Variants in CTNNA2 observed in about 807,000 individuals in gnomAD.
CTNNA2 encodes the protein catenin alpha 2.
CTNNA2 carries 42 observed loss-of-function variants against 101.0 expected under a neutral mutation model. That is an observed-to-expected ratio of 0.42 (90% CI 0.32 to 0.54). CTNNA2 has a LOEUF of 0.54. Ranked by LOEUF, CTNNA2 falls within the 20% of genes least tolerant of loss-of-function variation. The pLI is 0.14. For missense variants in CTNNA2, 871 were observed against 1,223.1 expected, an observed-to-expected ratio of 0.71 and a Z score of 4.29; for synonymous variants, 450 against 456.4, an observed-to-expected ratio of 0.99 and a Z score of 0.18.
intron 7 of CTNNA2, among the ~76,000 whole-genome samples, chr2:80,250,798 C>G (rs538417581): frequency 1.3e-5 from 2 of 152,144 alleles, no homozygotes; most frequent in African/African-American, 4.8e-5. Context: ...TTGGGCAATA[C>G]TTTATCTTCT....
In CTNNA2 at chr2:80,607,084, T is replaced by C. The variant is rs1340478594; in HGVS notation, c.2296-1100T>C. Among the ~76,000 whole-genome samples, 13 of 152,002 alleles carry C rather than the reference T, an allele frequency of 8.6e-5. 1 individual carries two copies. The East Asian group carries it at 2.5e-3, about 30-fold the overall frequency. On this transcript the variant is annotated intron_variant, in intron 16 of 18. Transcript: ENST00000402739. ...CCTTTATCATTTATTCAGTAGATGG[T>C]TATATGTAATCACTGGCTTTACAGT...
intron 6 of CTNNA2, among the ~76,000 whole-genome samples, chr2:79,885,705 A>G (rs1342336971): frequency 6.6e-6 from 1 of 152,234 alleles, no homozygotes; most frequent in African/African-American, 2.4e-5. Context: ...ATCTTACATT[A>G]CATTAGAATG....
intron 2 of CTNNA2, among the ~76,000 whole-genome samples, chr2:79,656,811 C>T (rs1681642320): frequency 6.6e-6 from 1 of 151,672 alleles, no homozygotes; most frequent in South Asian, 2.1e-4. Flanking sequence ...AGAAAACTAA[C>T]ACAATTTATT....
chr2:79,444,824 T>A (rs1308997610), intron 4 of CTNNA2, among the ~76,000 whole-genome samples: 1 of 152,022 alleles, frequency 6.6e-6, no homozygotes, highest in Non-Finnish European at 1.5e-5. Context: ...ATGATTAAAG[T>A]TATGTTAGTT....
intron 18 of CTNNA2, among the ~76,000 whole-genome samples, chr2:80,639,026 G>A (rs894029848): frequency 1.4e-5 from 2 of 147,774 alleles, no homozygotes; most frequent in Non-Finnish European, 3.0e-5. Context: ...ACTTAAGGAA[G>A]CCCTGAAGAA....
chr2:79,936,003 T>G (rs961402502), intron 7 of CTNNA2, among the ~76,000 whole-genome samples: 3 of 152,232 alleles, frequency 2.0e-5, no homozygotes, highest in Admixed American at 6.5e-5. Flanking sequence ...GCTGATGTTA[T>G]AGAATGGCAA....
At chr2:80,249,488 T>C (rs1671590564) in intron 7 of CTNNA2, among the ~76,000 whole-genome samples, 1 of 152,208 alleles carries the variant, frequency 6.6e-6, no homozygotes, top group South Asian at 2.1e-4. Context: ...AACCACTTAT[T>C]GAGCATGTAC....
At chr2:79,620,280 G>T (rs1011657976) in intron 1 of CTNNA2, among the ~76,000 whole-genome samples, 7 of 152,136 alleles carry the variant, frequency 4.6e-5, no homozygotes, top group Admixed American at 2.0e-4. Flanking sequence ...TCCCACTTCT[G>T]AAGTCCTTCA....
At chr2:80,346,831 C>T (rs72813641) in intron 7 of CTNNA2, among the ~76,000 whole-genome samples, 1 of 152,276 alleles carries the variant, frequency 6.6e-6, no homozygotes, top group Non-Finnish European at 1.5e-5. Flanking sequence ...ATTTAAAATT[C>T]TGTATTCATC....
At chr2:80,554,395 A>T (rs1692843753) in intron 11 of CTNNA2, among the ~76,000 whole-genome samples, 1 of 152,208 alleles carries the variant, frequency 6.6e-6, no homozygotes, top group Non-Finnish European at 1.5e-5. Flanking sequence ...ATATTTATCA[A>T]AAGCACATAT....
At chr2:80,231,798 C>T (rs1301873712) in intron 7 of CTNNA2, among the ~76,000 whole-genome samples, 1 of 152,172 alleles carries the variant, frequency 6.6e-6, no homozygotes, top group African/African-American at 2.4e-5. Context: ...TTTAGAAAGG[C>T]CCTGCACAGC....
At chr2:80,271,202 C>T (rs1021263378) in intron 7 of CTNNA2, among the ~76,000 whole-genome samples, 8 of 152,142 alleles carry the variant, frequency 5.3e-5, no homozygotes, top group African/African-American at 1.9e-4. Flanking sequence ...TCTTTATCCC[C>T]CCCTTGGGTC....
At chr2:80,152,227 C>T (rs1162596926) in intron 7 of CTNNA2, among the ~76,000 whole-genome samples, 1 of 152,162 alleles carries the variant, frequency 6.6e-6, no homozygotes, top group Admixed American at 6.5e-5. Flanking sequence ...TGAGTCTTTT[C>T]AGTGGAGACC....
intron 3 of CTNNA2, among the ~76,000 whole-genome samples, chr2:79,367,385 A>G (rs1558648234): frequency 6.6e-6 from 1 of 152,196 alleles, no homozygotes; most frequent in Non-Finnish European, 1.5e-5. Context: ...GAACACGCAA[A>G]TAAGGGGAAA....
intron 7 of CTNNA2, among the ~76,000 whole-genome samples, chr2:80,290,126 G>A (rs1675110191): frequency 6.6e-6 from 1 of 152,104 alleles, no homozygotes. Context: ...AGCAAGGATT[G>A]TTTTCTGAAT....
chr2:79,696,262 G>T (rs1343623942), intron 2 of CTNNA2, among the ~76,000 whole-genome samples: 1 of 152,042 alleles, frequency 6.6e-6, no homozygotes, highest in African/African-American at 2.4e-5. Context: ...TAAGCATTCT[G>T]TTAAAACCTT....
At chr2:80,201,884 G>A (rs796309009) in intron 7 of CTNNA2, among the ~76,000 whole-genome samples, 8 of 152,176 alleles carry the variant, frequency 5.3e-5, no homozygotes, top group African/African-American at 1.9e-4. Context: ...AATGATCTCA[G>A]GACTGCCACC....
chr2:79,812,749 G>C (rs1677150767), intron 3 of CTNNA2, among the ~76,000 whole-genome samples: 1 of 152,106 alleles, frequency 6.6e-6, no homozygotes, highest in Non-Finnish European at 1.5e-5. Context: ...TTCTCCTGAA[G>C]CATAAAAGAC....
chr2:79,875,670 C>T (rs1444766021), intron 6 of CTNNA2, among the ~76,000 whole-genome samples: 2 of 152,088 alleles, frequency 1.3e-5, no homozygotes, highest in Admixed American at 1.3e-4. Flanking sequence ...AGTGGTCTCT[C>T]CTCTTTCCCA....
Sources: gnomAD v4.1 joint callset for allele counts (sites outside exome capture counted in the v4.1 genomes callset) on GRCh38, gnomAD v4.1.1 for gene constraint, MANE v1.5 for transcripts, NCBI Gene and HGNC (gene_info 2026-07-23, HGNC 2026-07-21) for gene names.